Variants in TTLL5 observed in about 807,000 individuals in gnomAD.
TTLL5 encodes tubulin polyglutamylase TTLL5.
Under a neutral mutation model 168.4 loss-of-function variants are expected in TTLL5, and 132 were observed. The ratio of observed to expected loss-of-function variants is 0.78; its 90% CI spans 0.68 to 0.91. TTLL5 has a LOEUF of 0.91. Among genes scored for constraint, TTLL5 ranks in the 40% least tolerant of loss-of-function variants. The probability of loss-of-function intolerance (pLI) is 0.00; values close to 1 mark genes in which losing one functional copy is unlikely to be tolerated. For synonymous variants in TTLL5, 546 were observed against 558.6 expected (o/e 0.98, Z 0.32); for missense variants, 1,545 against 1,581.5 (o/e 0.98, Z 0.39).
At chr14:75,943,187 CT>C (rs1344293662) in intron 31 of TTLL5, among the ~76,000 whole-genome samples, 9 of 152,138 alleles carry the variant, frequency 5.9e-5, no homozygotes, top group African/African-American at 1.9e-4. Context: ...CTCTCCTGCT[CT>C]TATGACCCCG....
At chr14:75,800,336 GCTCT>G (rs1481999673) in intron 27 of TTLL5, among the ~76,000 whole-genome samples, 3 of 151,798 alleles carry the variant, frequency 2.0e-5, no homozygotes, top group Non-Finnish European at 4.4e-5. Flanking sequence ...TTTTATCGAT[GCTCT>G]CTATTTCCCT....
At chr14:75,762,854 C>T (rs191776176) in intron 18 of TTLL5, among the ~76,000 whole-genome samples, 2 of 152,134 alleles carry the variant, frequency 1.3e-5, no homozygotes, top group East Asian at 1.9e-4. Flanking sequence ...ACAATGTAGA[C>T]GGTATAATGT....
chr14:75,670,407 A>G (rs1240113731), intron 3 of TTLL5, among the ~76,000 whole-genome samples: 1 of 151,678 alleles, frequency 6.6e-6, no homozygotes, highest in Non-Finnish European at 1.5e-5. Flanking sequence ...AGTCGTTTGG[A>G]CACTTAATCT....
chr14:75,746,295 G>C (rs568941345), intron 17 of TTLL5, among the ~76,000 whole-genome samples: 20 of 152,192 alleles, frequency 1.3e-4, no homozygotes, highest in African/African-American at 4.6e-4. Context: ...ACCAGAATTT[G>C]TTGAATATAC....
chr14:75,760,746 G>A (rs953389385), intron 18 of TTLL5, among the ~76,000 whole-genome samples: 13 of 151,998 alleles, frequency 8.6e-5, no homozygotes, highest in Non-Finnish European at 1.6e-4. Flanking sequence ...AACCCCAACC[G>A]CTGTTTCCCA....
intron 29 of TTLL5, among the ~76,000 whole-genome samples, chr14:75,882,052 C>T (rs577618366): frequency 4.6e-5 from 7 of 152,218 alleles, no homozygotes; most frequent in South Asian, 4.1e-4. Flanking sequence ...ACTTTGAAAG[C>T]GCTTTCAAAT....
At chr14:75,909,511 T>A (rs2033281826) in intron 31 of TTLL5, among the ~76,000 whole-genome samples, 1 of 151,856 alleles carries the variant, frequency 6.6e-6, no homozygotes, top group Non-Finnish European at 1.5e-5. Flanking sequence ...CTGCTTAGTG[T>A]GCAGTGACCC....
At chr14:75,942,468 T>C (rs144696965) in intron 31 of TTLL5, among the ~76,000 whole-genome samples, 2 of 152,126 alleles carry the variant, frequency 1.3e-5, no homozygotes, top group Non-Finnish European at 2.9e-5. Flanking sequence ...ATCTCAGCAC[T>C]TAAGAGTGTA....
chr14:75,671,126 A>G (rs1280888338), intron 3 of TTLL5, among the ~76,000 whole-genome samples: 2 of 152,194 alleles, frequency 1.3e-5, no homozygotes, highest in African/African-American at 4.8e-5. Context: ...GCATTTGGAT[A>G]TCCAGTTGTC....
rs1377306372 is a variant in TTLL5 at position 75,766,097 on chromosome 14, G to A, written c.1744G>A (p.Glu582Lys). Residue 582 changes from glutamate (E) to lysine (K), a missense_variant, in exon 20 of 32, where the codon GAG (glutamate) becomes AAG (lysine). Coordinates refer to ENST00000298832, the MANE Select transcript of TTLL5 (RefSeq NM_015072.5). ...ACCAGCTGAAATGAATGTTAAAACT[G>A]AGACAGAGAGTGAAGAGGAGGAAGA... ...TQPAEMNVKT[E>K]TESEEEEEVA... is the part of the protein sequence containing the mutation. The A allele has an allele frequency of 6.2e-7, 1 of 1,613,560 alleles. No individual in the cohort carries two copies. Among genetic ancestry groups the A allele is most frequent in the Non-Finnish European group, 8.5e-7 (1 of 1,179,850 alleles).
intron 28 of TTLL5, among the ~76,000 whole-genome samples, chr14:75,852,100 G>A (rs1896886628): frequency 1.3e-5 from 2 of 152,202 alleles, no homozygotes; most frequent in South Asian, 4.1e-4. Flanking sequence ...AAGGCACAGA[G>A]AGGTTAAACA....
intron 6 of TTLL5, among the ~76,000 whole-genome samples, chr14:75,696,062 T>A (rs187600883): frequency 1.3e-5 from 2 of 151,796 alleles, no homozygotes; most frequent in African/African-American, 4.8e-5. Flanking sequence ...TGGCTAATTT[T>A]TTTATTTTCC....
chr14:75,937,312 G>A (rs939769519), intron 31 of TTLL5, among the ~76,000 whole-genome samples: 1 of 149,006 alleles, frequency 6.7e-6, no homozygotes, highest in Non-Finnish European at 1.5e-5. Context: ...ATTTTTAGTA[G>A]AGACGGGGTT....
chr14:75,744,393 T>C (rs1889467952), intron 15 of TTLL5: 1 of 152,246 alleles, frequency 6.6e-6, no homozygotes, highest in Admixed American at 6.5e-5. Context: ...TCCCTCATCA[T>C]CATGTAGAAG....
chr14:75,883,751 A>T (rs1171538103), intron 30 of TTLL5, among the ~76,000 whole-genome samples: 1 of 152,232 alleles, frequency 6.6e-6, no homozygotes, highest in Non-Finnish European at 1.5e-5. Flanking sequence ...ACAAATATTT[A>T]TTCAGTGCCC....
chr14:75,845,898 G>C (rs78347631), intron 28 of TTLL5, among the ~76,000 whole-genome samples: 5 of 152,108 alleles, frequency 3.3e-5, no homozygotes, highest in East Asian at 3.9e-4. Context: ...TGGTGATAGC[G>C]TACAAAGGAC....
chr14:75,734,858 C>T (rs1324813107), intron 14 of TTLL5, among the ~76,000 whole-genome samples: 1 of 152,220 alleles, frequency 6.6e-6, no homozygotes, highest in Non-Finnish European at 1.5e-5. Flanking sequence ...TTTAAAGTAA[C>T]TTGTTTTTAT....
At chr14:75,953,303 G>A (rs1039257669) in intron 31 of TTLL5, among the ~76,000 whole-genome samples, 1 of 152,170 alleles carries the variant, frequency 6.6e-6, no homozygotes, top group Non-Finnish European at 1.5e-5. Flanking sequence ...CAGAGGGAGT[G>A]TAAATTGTAT....
intron 12 of TTLL5, among the ~76,000 whole-genome samples, chr14:75,727,183 A>G (rs963419614): frequency 2.0e-5 from 3 of 152,218 alleles, no homozygotes; most frequent in Non-Finnish European, 2.9e-5. Flanking sequence ...AGTCCCACTC[A>G]TAGGTATTTT....
Sources: gnomAD v4.1 joint callset for allele counts (sites outside exome capture counted in the v4.1 genomes callset) on GRCh38, gnomAD v4.1.1 for gene constraint, MANE v1.5 for transcripts, NCBI Gene and HGNC (gene_info 2026-07-23, HGNC 2026-07-21) for gene names.